CACNA1E: variants seen among roughly 807,000 people sequenced by gnomAD.
CACNA1E encodes calcium voltage-gated channel subunit alpha1 E.
Under a neutral mutation model 259.2 loss-of-function variants are expected in CACNA1E, and 40 were observed. The observed-to-expected ratio is 0.15, with a 90% CI of 0.12 to 0.20. CACNA1E has a LOEUF of 0.20. CACNA1E is among the 10% of genes least tolerant of loss of function. The pLI is 1.00. For missense variants in CACNA1E, 1,874 were observed against 3,040.1 expected, an observed-to-expected ratio of 0.62 and a Z score of 9.02; for synonymous variants, 1,104 against 1,138.5, an observed-to-expected ratio of 0.97 and a Z score of 0.61.
intron 7 of CACNA1E, among the ~76,000 whole-genome samples, chr1:181,677,973 A>T (rs911091396): frequency 4.6e-5 from 7 of 152,334 alleles, no homozygotes; most frequent in African/African-American, 1.7e-4. Context: ...ACCTCACAGC[A>T]GAGGGAATTA....
At chr1:181,648,321 A>T (rs1336741445) in intron 6 of CACNA1E, among the ~76,000 whole-genome samples, 1 of 152,276 alleles carries the variant, frequency 6.6e-6, no homozygotes, top group Non-Finnish European at 1.5e-5. Context: ...TTGAAGCAAC[A>T]CCAAAACATA....
intron 1 of CACNA1E, among the ~76,000 whole-genome samples, chr1:181,508,046 C>T (rs1665855708): frequency 6.6e-6 from 1 of 151,880 alleles, no homozygotes; most frequent in Non-Finnish European, 1.5e-5. Context: ...GTCAGGCTGC[C>T]CAGGTATGTT....
At chr1:181,598,112 C>G (rs1653377785) in intron 6 of CACNA1E, among the ~76,000 whole-genome samples, 1 of 152,158 alleles carries the variant, frequency 6.6e-6, no homozygotes, top group African/African-American at 2.4e-5. Flanking sequence ...CCAGGCTGTC[C>G]CCACTACTCC....
intron 6 of CACNA1E, among the ~76,000 whole-genome samples, chr1:181,588,111 G>A (rs1459428396): frequency 6.6e-6 from 1 of 152,184 alleles, no homozygotes; most frequent in Admixed American, 6.5e-5. Context: ...CTGGGCGCCG[G>A]CGCACCGCTG....
intron 2 of CACNA1E, among the ~76,000 whole-genome samples, chr1:181,427,723 G>A (rs1279277440): frequency 2.3e-5 from 3 of 129,862 alleles, no homozygotes; most frequent in South Asian, 5.0e-4. Context: ...TCCCCCAGCT[G>A]CCATCTGTTA....
intron 3 of CACNA1E, among the ~76,000 whole-genome samples, chr1:181,513,155 T>G (rs550965556): frequency 1.8e-4 from 27 of 152,350 alleles, no homozygotes; most frequent in African/African-American, 6.5e-4. Context: ...CATTTATTTT[T>G]GTTTTAAATG....
At chr1:181,591,527 G>C (rs998879038) in intron 6 of CACNA1E, among the ~76,000 whole-genome samples, 3 of 152,012 alleles carry the variant, frequency 2.0e-5, no homozygotes, top group African/African-American at 4.8e-5. Context: ...CTCATGTTTT[G>C]AGTGATATTG....
intron 39 of CACNA1E, among the ~76,000 whole-genome samples, chr1:181,782,143 T>C (rs571965677): frequency 3.9e-5 from 6 of 152,348 alleles, no homozygotes; most frequent in Non-Finnish European, 8.8e-5. Flanking sequence ...TGCAGCTCTA[T>C]TCCACTAGCC....
chr1:181,673,618 G>C (rs964308684), intron 7 of CACNA1E, among the ~76,000 whole-genome samples: 1 of 152,202 alleles, frequency 6.6e-6, no homozygotes, highest in Non-Finnish European at 1.5e-5. Flanking sequence ...GAGCCGGAGA[G>C]CAGATGGTCC....
chr1:181,596,557 C>CGTGTGTGTGTGTGTGTGTGTGTGTGTGT (rs60302499), intron 6 of CACNA1E, among the ~76,000 whole-genome samples: 1 of 140,490 alleles, frequency 7.1e-6, no homozygotes, highest in Non-Finnish European at 1.5e-5. Context: ...CCACCATGTA[C>CGTGTGTGTGTGTGTGTGTGTGTGTGTGT]GTGTGTGTGT....
intron 37 of CACNA1E, among the ~76,000 whole-genome samples, chr1:181,774,129 C>T (rs1327840850): frequency 6.6e-6 from 1 of 152,216 alleles, no homozygotes; most frequent in Non-Finnish European, 1.5e-5. Flanking sequence ...ACCTGCCTCA[C>T]AAAGAGTTGG....
chr1:181,799,050 T>C lies in CACNA1E; in HGVS notation c.*216T>C, dbSNP rs2280869. On this transcript the variant is annotated 3_prime_UTR_variant, in exon 48 of 48. Transcript: ENST00000367573. ...TTTGCAAGATGGGCACTGCCATAGT[T>C]CTGCCTCTTTGCTGGGGAAAGAAAC... is the stretch of plus-strand genomic sequence containing the variant. The C allele has an allele frequency of 0.083, 37,135 of 448,958 alleles. 2,492 individuals carry two copies. Among genetic ancestry groups the C allele is most frequent in the East Asian group, 0.3 (8,804 of 29,232 alleles). 27.8% of individuals were successfully genotyped at this position (448,958 alleles called of 1,614,324 possible).
intron 7 of CACNA1E, among the ~76,000 whole-genome samples, chr1:181,653,515 C>T (rs1243548303): frequency 6.6e-6 from 1 of 152,210 alleles, no homozygotes; most frequent in East Asian, 1.9e-4. Flanking sequence ...ATGCCTCAGT[C>T]TTGCGTATGT....
intron 1 of CACNA1E, among the ~76,000 whole-genome samples, chr1:181,488,999 G>T (rs1664082543): frequency 6.6e-6 from 1 of 152,036 alleles, no homozygotes; most frequent in Non-Finnish European, 1.5e-5. Context: ...GTGAAGCTTT[G>T]CTAAGCTCTC....
chr1:181,542,932 A>C (rs951692828), intron 3 of CACNA1E, among the ~76,000 whole-genome samples: 7 of 149,718 alleles, frequency 4.7e-5, no homozygotes, highest in African/African-American at 1.7e-4. Flanking sequence ...CCTTCTTGGA[A>C]ATACACGTTG....
intron 6 of CACNA1E, among the ~76,000 whole-genome samples, chr1:181,649,753 C>G (rs1658589841): frequency 6.6e-6 from 1 of 152,134 alleles, no homozygotes; most frequent in African/African-American, 2.4e-5. Flanking sequence ...AACACAGGAA[C>G]AGACGACCAA....
chr1:181,539,134 A>G (rs1162247599), intron 3 of CACNA1E, among the ~76,000 whole-genome samples: 1 of 152,066 alleles, frequency 6.6e-6, no homozygotes, highest in Admixed American at 6.6e-5. Flanking sequence ...GCTGGTATCT[A>G]TTCAGCTAAG....
At chr1:181,635,765 G>T (rs1482705628) in intron 6 of CACNA1E, among the ~76,000 whole-genome samples, 1 of 152,100 alleles carries the variant, frequency 6.6e-6, no homozygotes, top group Admixed American at 6.6e-5. Context: ...GGTTGTGGCT[G>T]GAATATTCCT....
chr1:181,495,874 A>G lies in CACNA1E; in HGVS notation c.266+11864A>G, dbSNP rs182945719. ...ACTTATTGAACATTTACTATGTGTCAGAATACTGTGCTAAGTGCTGCCCAT... is the reference window on the plus strand; with the variant it reads ...ACTTATTGAACATTTACTATGTGTCGGAATACTGTGCTAAGTGCTGCCCAT... On this transcript the variant is annotated intron_variant, in intron 1 of 47. Coordinates refer to ENST00000367573, the MANE Select transcript of CACNA1E (RefSeq NM_001205293.3). Among the ~76,000 whole-genome samples the G allele has an allele frequency of 3.0e-4, 45 of 152,374 alleles. No homozygotes were observed. The East Asian group carries it at 8.5e-3, about 29-fold the overall frequency.
Sources: gnomAD v4.1 joint callset for allele counts (sites outside exome capture counted in the v4.1 genomes callset) on GRCh38, gnomAD v4.1.1 for gene constraint, MANE v1.5 for transcripts, NCBI Gene and HGNC (gene_info 2026-07-23, HGNC 2026-07-21) for gene names.